CACNA2D3: variants seen among roughly 807,000 people sequenced by gnomAD.
CACNA2D3 encodes voltage-dependent calcium channel subunit alpha-2/delta-3.
In CACNA2D3, 60 loss-of-function variants were observed where a neutral mutation model predicts 160.6. That is an observed-to-expected ratio of 0.37 (90% CI 0.30 to 0.46). The LOEUF (loss-of-function observed/expected upper bound fraction) is 0.46, where lower values mean the gene tolerates loss of function less well. Ranked by LOEUF, CACNA2D3 falls within the 20% of genes least tolerant of loss-of-function variation. The pLI is 1.00. For synonymous variants in CACNA2D3, 558 were observed against 492.9 expected, an observed-to-expected ratio of 1.13 and a Z score of -1.75; for missense variants, 1,205 against 1,365.0, an observed-to-expected ratio of 0.88 and a Z score of 1.85.
intron 4 of CACNA2D3, among the ~76,000 whole-genome samples, chr3:54,434,667 G>C (rs1354284508): frequency 1.3e-5 from 2 of 152,208 alleles, no homozygotes; most frequent in African/African-American, 4.8e-5. Context: ...CTGGTGGCCT[G>C]GGCCAGACAC....
chr3:54,418,505 C>T (rs1487225442), intron 4 of CACNA2D3, among the ~76,000 whole-genome samples: 1 of 152,192 alleles, frequency 6.6e-6, no homozygotes, highest in Non-Finnish European at 1.5e-5. Flanking sequence ...CAGCTTTTGT[C>T]TGGTCAGAAT....
chr3:54,955,275 G>T (rs1219937908), intron 27 of CACNA2D3, among the ~76,000 whole-genome samples: 1 of 152,062 alleles, frequency 6.6e-6, no homozygotes, highest in Non-Finnish European at 1.5e-5. Flanking sequence ...AGGGACAAAG[G>T]TTGTCTTATT....
chr3:54,836,177 A>G (rs1698676231), intron 14 of CACNA2D3, among the ~76,000 whole-genome samples: 1 of 150,516 alleles, frequency 6.6e-6, no homozygotes, highest in Admixed American at 6.6e-5. Flanking sequence ...TGAGAGGTTT[A>G]CAGACGTGAA....
In CACNA2D3 at chr3:54,386,712, T is replaced by TA. The variant is rs1553642983; in HGVS notation, c.322-2dup. The TA allele has an allele frequency of 1.9e-6, 3 of 1,540,222 alleles. No homozygotes were observed. Among genetic ancestry groups the TA allele is most frequent in the Non-Finnish European group, 2.6e-6 (3 of 1,148,156 alleles). On this transcript the variant is annotated splice_region_variant and splice_polypyrimidine_tract_variant and intron_variant, in intron 3 of 37. Coordinates refer to ENST00000474759, the MANE Select transcript of CACNA2D3 (RefSeq NM_018398.3). Reference sequence around the variant, plus strand: ...GTCTTCTGTTTTTTTTTTTTTTTTTTAGCGTCTGGTGGAGGCTGCAGAAGA... The same window carrying TA: ...GTCTTCTGTTTTTTTTTTTTTTTTTTAAGCGTCTGGTGGAGGCTGCAGAAGA...
intron 9 of CACNA2D3, among the ~76,000 whole-genome samples, chr3:54,598,012 G>A (rs1356686237): frequency 6.6e-6 from 1 of 151,952 alleles, no homozygotes; most frequent in Non-Finnish European, 1.5e-5. Context: ...CCTTGGGGCT[G>A]GGCGTGGTGG....
At chr3:54,736,043 A>ATATGTATG in intron 11 of CACNA2D3, among the ~76,000 whole-genome samples, 1 of 46,542 alleles carries the variant, frequency 2.1e-5, no homozygotes, top group African/African-American at 7.1e-5. Flanking sequence ...ATGTATATAT[A>ATATGTATG]TACACATACA....
chr3:54,799,678 T>C (rs1702941489), intron 13 of CACNA2D3, among the ~76,000 whole-genome samples: 1 of 151,724 alleles, frequency 6.6e-6, no homozygotes, highest in Non-Finnish European at 1.5e-5. Flanking sequence ...TTTTGGAGAG[T>C]TTCAAGTTCT....
intron 2 of CACNA2D3, among the ~76,000 whole-genome samples, chr3:54,214,973 C>G (rs1701435076): frequency 6.6e-6 from 1 of 152,066 alleles, no homozygotes; most frequent in African/African-American, 2.4e-5. Context: ...AGCACAATAC[C>G]CCAGAGTAGG....
intron 29 of CACNA2D3, among the ~76,000 whole-genome samples, chr3:54,981,240 C>T (rs761707573): frequency 6.6e-6 from 1 of 152,138 alleles, no homozygotes; most frequent in African/African-American, 2.4e-5. Context: ...CAGTTTGTTG[C>T]GCCTTCTTGA....
chr3:55,049,714 C>T (rs1704144107), intron 35 of CACNA2D3, among the ~76,000 whole-genome samples: 1 of 148,140 alleles, frequency 6.8e-6, no homozygotes, highest in South Asian at 2.2e-4. Context: ...GTTAAAGTCT[C>T]CCATTATTAA....
intron 11 of CACNA2D3, among the ~76,000 whole-genome samples, chr3:54,713,839 GT>G (rs1401456947): frequency 6.6e-6 from 1 of 152,212 alleles, no homozygotes; most frequent in Non-Finnish European, 1.5e-5. Context: ...CTCTCATGCA[GT>G]TAAATCTTAG....
chr3:54,675,496 TG>T (rs1700228916), intron 11 of CACNA2D3, among the ~76,000 whole-genome samples: 1 of 152,110 alleles, frequency 6.6e-6, no homozygotes, highest in African/African-American at 2.4e-5. Context: ...TCCTGGCCCC[TG>T]GGGAAAGGTG....
intron 9 of CACNA2D3, among the ~76,000 whole-genome samples, chr3:54,582,234 C>T (rs1457386866): frequency 2.0e-5 from 3 of 152,150 alleles, no homozygotes; most frequent in Non-Finnish European, 2.9e-5. Context: ...GTCCTTCTCA[C>T]GATTGATTAA....
At chr3:54,451,663 A>G (rs928427010) in intron 4 of CACNA2D3, among the ~76,000 whole-genome samples, 1 of 152,144 alleles carries the variant, frequency 6.6e-6, no homozygotes, top group Admixed American at 6.5e-5. Context: ...AGACTGAAAA[A>G]TTTCAAAATC....
intron 3 of CACNA2D3, among the ~76,000 whole-genome samples, chr3:54,376,757 C>T (rs529393880): frequency 6.6e-6 from 1 of 152,314 alleles, no homozygotes; most frequent in South Asian, 2.1e-4. Flanking sequence ...AGAACATTGG[C>T]TCAGAGAGGT....
At chr3:54,540,963 A>G (rs927657043) in intron 5 of CACNA2D3, among the ~76,000 whole-genome samples, 1 of 152,132 alleles carries the variant, frequency 6.6e-6, no homozygotes, top group Admixed American at 6.5e-5. Flanking sequence ...TGGGTCCTCA[A>G]TCTAATAATA....
chr3:54,221,913 A>G (rs7646413), intron 2 of CACNA2D3, among the ~76,000 whole-genome samples: 11,533 of 151,920 alleles, frequency 0.076, 626 homozygotes, highest in African/African-American at 0.14. Context: ...CAGTGGTGCA[A>G]TCATAGTTCA....
In CACNA2D3 at chr3:54,968,502, C is replaced by T. The variant is rs990991823; in HGVS notation, c.2502C>T (p.Ala834=). 2 of 1,608,844 alleles carry T rather than the reference C, an allele frequency of 1.2e-6. No homozygotes were observed. Among genetic ancestry groups the T allele is most frequent in the Non-Finnish European group, 1.7e-6 (2 of 1,177,164 alleles). ...TTTTCCAAAGGAAGTTCTGGACTGC[C>T]AGCAGACAGGTAAGTTATAATCAGC... ...LEFFQRKFWT[A]SRQCASLDGK... The change falls in exon 28 of 38, where the codon GCC becomes GCT. Residue 834 remains alanine (A), a synonymous_variant. Transcript: ENST00000474759.
intron 2 of CACNA2D3, among the ~76,000 whole-genome samples, chr3:54,217,134 G>A (rs1328654617): frequency 1.3e-5 from 2 of 152,296 alleles, no homozygotes; most frequent in African/African-American, 2.4e-5. Context: ...GCAAGGGAGA[G>A]GGCTGCAGAT....
Sources: gnomAD v4.1 joint callset for allele counts (sites outside exome capture counted in the v4.1 genomes callset) on GRCh38, gnomAD v4.1.1 for gene constraint, MANE v1.5 for transcripts, NCBI Gene and HGNC (gene_info 2026-07-23, HGNC 2026-07-21) for gene names.